Variants in GTF2H1 observed in about 807,000 individuals in gnomAD.
GTF2H1 encodes the protein BTF2 p62.
A neutral mutation model predicts 71.2 loss-of-function variants in GTF2H1; 16 were observed. That is an observed-to-expected ratio of 0.22 (90% CI 0.15 to 0.34). The LOEUF is 0.34. Ranked by LOEUF, GTF2H1 falls within the 10% of genes least tolerant of loss-of-function variation. The probability of loss-of-function intolerance (pLI) is 1.00; values close to 1 mark genes in which losing one functional copy is unlikely to be tolerated. For synonymous variants in GTF2H1, 215 were observed against 219.0 expected (o/e 0.98, Z 0.16); for missense variants, 498 against 648.2 (o/e 0.77, Z 2.52).
chr11:18,351,695 T>G (rs561577597), intron 9 of GTF2H1, 186 bp from the exon 10 acceptor site: 1 of 438,190 alleles, frequency 2.3e-6, no homozygotes, highest in East Asian at 3.6e-5. Context: ...GTAAGAAAAC[T>G]AGTATTCTTA....
chr11:18,365,545 A>G (rs1865802802), intron 14 of GTF2H1, among the ~76,000 whole-genome samples: 1 of 152,096 alleles, frequency 6.6e-6, no homozygotes, highest in African/African-American at 2.4e-5. Flanking sequence ...ATTATTGGTT[A>G]ATGACAGGAC....
At chr11:18,340,667 G>A (rs1865136736) in intron 5 of GTF2H1, among the ~76,000 whole-genome samples, 1 of 152,106 alleles carries the variant, frequency 6.6e-6, no homozygotes, top group South Asian at 2.1e-4. Flanking sequence ...TTTTTCTATA[G>A]TAACTGATTT....
At position 18,333,059 on chromosome 11, in the gene GTF2H1, G is replaced by A. The variant is rs1590182807; in HGVS notation, c.-15-1G>A. Reference sequence around the variant, plus strand: ...TTCTTCATCTTTTTTTTCTCTCTTAGCACCTTCTAGCCACCATGGCAACCT... The same window carrying A: ...TTCTTCATCTTTTTTTTCTCTCTTAACACCTTCTAGCCACCATGGCAACCT... On this transcript the variant is annotated splice_acceptor_variant, in intron 1 of 14. Coordinates refer to ENST00000265963, the MANE Select transcript of GTF2H1 (RefSeq NM_005316.4). LOFTEE classifies it low-confidence loss of function (5UTR_SPLICE). The A allele has an allele frequency of 6.3e-7, 1 of 1,597,166 alleles. No homozygotes were observed.
intron 11 of GTF2H1, 125 bp downstream of exon 11, chr11:18,352,571 A>C (rs532897144): frequency 2.0e-6 from 1 of 495,246 alleles, no homozygotes; most frequent in Admixed American, 3.1e-5. Flanking sequence ...TCTGCTAAAT[A>C]AATTGAAAAA....
chr11:18,360,972 A>AT (rs1865683123), intron 14 of GTF2H1, among the ~76,000 whole-genome samples: 1 of 151,648 alleles, frequency 6.6e-6, no homozygotes, highest in Admixed American at 6.6e-5. Context: ...CGCCCAGCTA[A>AT]TTTTTGTATT....
At chr11:18,326,447 G>A (rs10741743) in intron 1 of GTF2H1, among the ~76,000 whole-genome samples, 2 of 151,814 alleles carry the variant, frequency 1.3e-5, no homozygotes, top group African/African-American at 4.8e-5. Context: ...GCTTGAATCC[G>A]GGAGGTGGAG....
rs773213645 is a variant in GTF2H1, at chr11:18,357,934, C to T, written c.1261-18C>T. On this transcript the variant is annotated intron_variant, in intron 11 of 14. Coordinates refer to ENST00000265963, the MANE Select transcript of GTF2H1 (RefSeq NM_005316.4). ...AAAGGGAGGAAAACCAGTTTTAATG[C>T]ATCTTCATTTTTTTCAGGTTCTCTC... The T allele has an allele frequency of 6.8e-7, 1 of 1,477,358 alleles. No homozygotes were observed. Among genetic ancestry groups the T allele is most frequent in the South Asian group, 1.1e-5 (1 of 87,998 alleles). 91.5% of individuals were successfully genotyped at this position (1,477,358 alleles called of 1,614,324 possible). A position where few individuals can be genotyped will look rare whatever the true frequency, so the allele number is the denominator to read the frequency against.
intron 1 of GTF2H1, among the ~76,000 whole-genome samples, chr11:18,328,783 G>A (rs1365115062): frequency 2.0e-5 from 3 of 150,916 alleles, no homozygotes; most frequent in South Asian, 4.2e-4. Flanking sequence ...CCGAGATCGC[G>A]CCACCGCACT....
At chr11:18,332,495 G>T (rs1161925968) in intron 1 of GTF2H1, among the ~76,000 whole-genome samples, 1 of 152,228 alleles carries the variant, frequency 6.6e-6, no homozygotes, top group East Asian at 1.9e-4. Flanking sequence ...GACGTGGAGA[G>T]CAGTTGAAGA....
At chr11:18,341,152 G>A in intron 5 of GTF2H1, 109 bp from the exon 6 acceptor site, 2 of 757,514 alleles carry the variant, frequency 2.6e-6, no homozygotes, top group Non-Finnish European at 4.3e-6. Context: ...AGTATGTAGA[G>A]TTGAGAGCTT....
At chr11:18,347,987 A>G (rs1865337528) in intron 9 of GTF2H1, 68 bp downstream of exon 9, 1 of 963,476 alleles carries the variant, frequency 1.0e-6, no homozygotes, top group South Asian at 1.3e-5. Flanking sequence ...GACTGCAAGT[A>G]CTGTATACGC....
intron 1 of GTF2H1, among the ~76,000 whole-genome samples, chr11:18,331,799 G>A (rs1316418756): frequency 6.6e-6 from 1 of 151,584 alleles, no homozygotes; most frequent in African/African-American, 2.4e-5. Flanking sequence ...TTCCCATTAT[G>A]TTCAAATAGA....
At chr11:18,357,899 C>CA (rs113577976) in intron 11 of GTF2H1, 53 bp from the exon 12 acceptor site, 25,277 of 837,798 alleles carry the variant, frequency 0.03, 3 homozygotes, top group Non-Finnish European at 0.035. Context: ...AGAGAGGTGG[C>CA]AAAAAAAAAA....
rs888877280 is a variant in GTF2H1, at chr11:18,360,412, C to T, written c.1468-203C>T. ...CTGGGATTACAGGCGTGAGCCACCACGTCTGGCCAAATGAGTATTTATGAC... is the reference window on the plus strand; with the variant it reads ...CTGGGATTACAGGCGTGAGCCACCATGTCTGGCCAAATGAGTATTTATGAC... On this transcript the variant is annotated intron_variant, in intron 13 of 14. Transcript: ENST00000265963. Among the ~76,000 whole-genome samples the T allele has an allele frequency of 3.3e-5, 5 of 152,264 alleles. No individual in the cohort carries two copies. The South Asian group carries it at 8.3e-4, about 25-fold the overall frequency.
At chr11:18,356,106 G>A (rs567307448) in intron 11 of GTF2H1, among the ~76,000 whole-genome samples, 5 of 152,222 alleles carry the variant, frequency 3.3e-5, no homozygotes, top group South Asian at 4.1e-4. Context: ...ATCTGGGACC[G>A]GGCACAGTGA....
At chr11:18,348,305 C>T (rs1727332420) in intron 9 of GTF2H1, 1 of 316,502 alleles carries the variant, frequency 3.2e-6, no homozygotes, top group Non-Finnish European at 5.7e-6. Flanking sequence ...AATTGGCCCT[C>T]ATGTTAAACC....
intron 11 of GTF2H1, among the ~76,000 whole-genome samples, chr11:18,356,526 T>C (rs1054374178): frequency 6.6e-6 from 1 of 152,176 alleles, no homozygotes; most frequent in Non-Finnish European, 1.5e-5. Flanking sequence ...ATGTAGACTA[T>C]AGTTGTCCAG....
At chr11:18,349,510 C>T (rs1269766324) in intron 9 of GTF2H1, among the ~76,000 whole-genome samples, 1 of 152,034 alleles carries the variant, frequency 6.6e-6, no homozygotes, top group African/African-American at 2.4e-5. Context: ...TGGTGAAACC[C>T]TGTCTCTATT....
chr11:18,330,364 G>A (rs566561957), intron 1 of GTF2H1, among the ~76,000 whole-genome samples: 1 of 152,350 alleles, frequency 6.6e-6, no homozygotes, highest in East Asian at 1.9e-4. Context: ...GTTAGAGAAA[G>A]TAGGAAAATA....
Sources: allele counts gnomAD v4.1 joint callset (sites outside exome capture counted in the v4.1 genomes callset), GRCh38; gene constraint gnomAD v4.1.1; transcripts MANE v1.5; gene names NCBI Gene and HGNC (gene_info 2026-07-23, HGNC 2026-07-21).